The following CCDC178 variants were observed in gnomAD, a reference collection of about 807,000 sequenced individuals.
The protein encoded by CCDC178 is coiled-coil domain-containing protein 178.
A neutral mutation model predicts 117.4 loss-of-function variants in CCDC178; 126 were observed. That is an observed-to-expected ratio of 1.07 (90% CI 0.93 to 1.24). The LOEUF is 1.24. Among genes scored for constraint, CCDC178 ranks in the 50% most tolerant of loss-of-function variants. CCDC178 has a pLI of 0.00. For synonymous variants in CCDC178, 283 were observed against 313.4 expected, an observed-to-expected ratio of 0.90 and a Z score of 1.02; for missense variants, 1,030 against 986.9, an observed-to-expected ratio of 1.04 and a Z score of -0.59.
rs1332013173 is a variant in CCDC178, at chr18:33,155,481, A to C, written c.2238+56415T>G. ...AAGAAACTTAACTGAAAGTAAGTAG[A>C]ATTAGGAAAATCAGAGTAGAAATCA... On this transcript the variant is annotated intron_variant, in intron 20 of 22. Coordinates refer to ENST00000383096, the MANE Select transcript of CCDC178 (RefSeq NM_001105528.4). Among the ~76,000 whole-genome samples the C allele has an allele frequency of 2.0e-5, 3 of 152,312 alleles. No homozygotes were observed. In the East Asian group the frequency reaches 5.8e-4, roughly 29 times the overall value.
intron 22 of CCDC178, among the ~76,000 whole-genome samples, chr18:32,946,322 G>A (rs2054346321): frequency 6.6e-6 from 1 of 152,160 alleles, no homozygotes; most frequent in South Asian, 2.1e-4. Flanking sequence ...TTACTGTTAT[G>A]TCAGTATGGC....
intron 21 of CCDC178, among the ~76,000 whole-genome samples, chr18:32,975,499 G>A (rs957236916): frequency 9.9e-5 from 15 of 152,006 alleles, no homozygotes; most frequent in African/African-American, 3.1e-4. Context: ...CCGTAGGCAC[G>A]CCATACAGAA....
chr18:33,273,266 T>C (rs1428993948), intron 12 of CCDC178, among the ~76,000 whole-genome samples: 2 of 151,354 alleles, frequency 1.3e-5, no homozygotes, highest in Non-Finnish European at 3.0e-5. Context: ...AATACAAAAA[T>C]GTAATTAAGA....
chr18:32,961,039 A>T (rs2054693985), intron 22 of CCDC178, among the ~76,000 whole-genome samples: 1 of 152,022 alleles, frequency 6.6e-6, no homozygotes, highest in Admixed American at 6.6e-5. Context: ...TTTATATGTT[A>T]TGTATACACT....
At chr18:32,982,843 G>A (rs1233202210) in intron 21 of CCDC178, among the ~76,000 whole-genome samples, 1 of 152,092 alleles carries the variant, frequency 6.6e-6, no homozygotes, top group African/African-American at 2.4e-5. Flanking sequence ...AGCACACAGG[G>A]TTTTTAGGGC....
intron 18 of CCDC178, among the ~76,000 whole-genome samples, chr18:33,219,307 A>T (rs540445503): frequency 6.6e-6 from 1 of 152,216 alleles, no homozygotes; most frequent in East Asian, 1.9e-4. Context: ...GAGAAACAGG[A>T]ACACTTTTAC....
At chr18:33,001,888 T>C (rs567960195) in intron 21 of CCDC178, among the ~76,000 whole-genome samples, 1 of 152,280 alleles carries the variant, frequency 6.6e-6, no homozygotes, top group South Asian at 2.1e-4. Flanking sequence ...GCTATATTTA[T>C]ATCAGACAAA....
chr18:33,246,854 A>G (rs1460320004), intron 14 of CCDC178, among the ~76,000 whole-genome samples: 1 of 151,864 alleles, frequency 6.6e-6, no homozygotes, highest in African/African-American at 2.4e-5. Flanking sequence ...AATGCTGCCT[A>G]TTGAATCAGT....
rs1228638650 is a variant in CCDC178, at chr18:33,323,542, TC to T, written c.970del (p.Glu324LysfsTer14). ...NARLKAQQIK[E>X]EIDKDIYQDE... The stretch of plus-strand genomic sequence containing the variant: ...CTGGTAAATATCCTTATCAATCTCT[TC>T]TTTAATTTGCTGAGCCTTCAATCTG... On this transcript the variant is annotated frameshift_variant, in exon 11 of 23. Transcript: ENST00000383096. LOFTEE classifies it high-confidence loss of function. 3.8e-6 allele frequency: 6 copies of T among 1,573,882 alleles called. No homozygotes were observed. The highest frequency in any genetic ancestry group is 4.3e-6 in the Non-Finnish European group (5 of 1,160,124).
chr18:33,132,034 T>C (rs2058073462), intron 20 of CCDC178, among the ~76,000 whole-genome samples: 1 of 151,598 alleles, frequency 6.6e-6, no homozygotes, highest in Admixed American at 6.6e-5. Context: ...GACATCTCTC[T>C]TTTTAGAACT....
chr18:33,153,728 C>A (rs1015923015), intron 20 of CCDC178, among the ~76,000 whole-genome samples: 1 of 151,908 alleles, frequency 6.6e-6, no homozygotes, highest in African/African-American at 2.4e-5. Context: ...TATATTTATA[C>A]AGTAAATGTT....
chr18:33,351,309 C>T (rs1428343769), intron 7 of CCDC178, among the ~76,000 whole-genome samples: 1 of 152,100 alleles, frequency 6.6e-6, no homozygotes. Context: ...TCTTGTGCTT[C>T]AGCCTCCCAA....
chr18:33,188,111 G>A (rs962341244), intron 20 of CCDC178, among the ~76,000 whole-genome samples: 1 of 152,052 alleles, frequency 6.6e-6, no homozygotes, highest in Non-Finnish European at 1.5e-5. Flanking sequence ...CTGGAGTGTA[G>A]GGAACAAATA....
chr18:33,007,510 G>T (rs1189855572), intron 21 of CCDC178, among the ~76,000 whole-genome samples: 1 of 151,924 alleles, frequency 6.6e-6, no homozygotes, highest in East Asian at 1.9e-4. Context: ...TCTGCAGCTT[G>T]TCTCACTGTC....
intron 2 of CCDC178, among the ~76,000 whole-genome samples, chr18:33,417,194 T>C (rs1204003317): frequency 1.3e-5 from 2 of 152,180 alleles, no homozygotes; most frequent in African/African-American, 4.8e-5. Flanking sequence ...GCTACCTAGA[T>C]GTCTCTCAGT....
intron 21 of CCDC178, among the ~76,000 whole-genome samples, chr18:33,078,116 A>C (rs146440938): frequency 3.0e-4 from 46 of 152,342 alleles, no homozygotes; most frequent in Admixed American, 7.2e-4. Context: ...CTCGGGATGC[A>C]AGGTTGGTTC....
intron 2 of CCDC178, among the ~76,000 whole-genome samples, chr18:33,430,417 A>G (rs2064195864): frequency 6.6e-6 from 1 of 152,222 alleles, no homozygotes; most frequent in Non-Finnish European, 1.5e-5. Context: ...TCTCAGAAAT[A>G]GGAAAACAAT....
At chr18:33,372,286 A>G (rs771053097) in intron 5 of CCDC178, among the ~76,000 whole-genome samples, 5 of 152,140 alleles carry the variant, frequency 3.3e-5, no homozygotes, top group Admixed American at 6.6e-5. Context: ...TCAGTTTTTA[A>G]GAATTCTACT....
chr18:33,409,487 A>C (rs777243210), intron 3 of CCDC178, among the ~76,000 whole-genome samples: 5 of 152,186 alleles, frequency 3.3e-5, no homozygotes, highest in Non-Finnish European at 5.9e-5. Flanking sequence ...ATAATTTTAA[A>C]AGTGTTATTA....
Sources: gnomAD v4.1 joint callset for allele counts (sites outside exome capture counted in the v4.1 genomes callset) on GRCh38, gnomAD v4.1.1 for gene constraint, MANE v1.5 for transcripts, NCBI Gene and HGNC (gene_info 2026-07-23, HGNC 2026-07-21) for gene names.